CWC27: variants seen among roughly 807,000 people sequenced by gnomAD.
CWC27 encodes the protein spliceosome-associated protein CWC27 homolog.
In CWC27, 47 loss-of-function variants were observed where a neutral mutation model predicts 63.6. That is an observed-to-expected ratio of 0.74 (90% CI 0.58 to 0.94). The LOEUF is 0.94. Ranked by LOEUF, CWC27 falls within the 40% of genes least tolerant of loss-of-function variation. The pLI, the probability that CWC27 is intolerant of heterozygous loss-of-function variation, is 0.00. For missense variants in CWC27, 495 were observed against 554.3 expected (o/e 0.89, Z 1.07); for synonymous variants, 175 against 179.8 (o/e 0.97, Z 0.22).
intron 11 of CWC27, among the ~76,000 whole-genome samples, chr5:64,922,534 T>A (rs1748017657): frequency 6.6e-6 from 1 of 152,218 alleles, no homozygotes. Flanking sequence ...TCGTATCAGT[T>A]TACTGTTTTC....
chr5:64,826,594 G>C (rs765774213), intron 10 of CWC27, among the ~76,000 whole-genome samples: 1 of 151,956 alleles, frequency 6.6e-6, no homozygotes, highest in Non-Finnish European at 1.5e-5. Context: ...TTTTTTGACA[G>C]GATTGCATTC....
At chr5:64,952,946 C>T (rs902806922) in intron 11 of CWC27, among the ~76,000 whole-genome samples, 10 of 152,080 alleles carry the variant, frequency 6.6e-5, no homozygotes, top group East Asian at 1.9e-4. Context: ...ATCAAAAATA[C>T]GTTTTTTGTA....
At chr5:64,919,580 T>G (rs1452950884) in intron 11 of CWC27, among the ~76,000 whole-genome samples, 1 of 152,218 alleles carries the variant, frequency 6.6e-6, no homozygotes, top group Non-Finnish European at 1.5e-5. Flanking sequence ...AGTGTCTATC[T>G]TCCACTTATA....
intron 12 of CWC27, among the ~76,000 whole-genome samples, chr5:64,973,531 A>C (rs764644563): frequency 1.3e-5 from 2 of 152,226 alleles, no homozygotes; most frequent in Non-Finnish European, 2.9e-5. Flanking sequence ...GCCATAACTG[A>C]ATAATTCCCC....
At chr5:64,837,034 C>T (rs913413866) in intron 10 of CWC27, among the ~76,000 whole-genome samples, 8 of 152,032 alleles carry the variant, frequency 5.3e-5, no homozygotes, top group African/African-American at 1.4e-4. Flanking sequence ...TTCATACCCA[C>T]CAAATGTTAC....
chr5:64,991,680 C>A (rs1664868956), intron 13 of CWC27, among the ~76,000 whole-genome samples: 1 of 152,230 alleles, frequency 6.6e-6, no homozygotes, highest in Non-Finnish European at 1.5e-5. Context: ...GAGCTATGAT[C>A]ATGCCACTGC....
chr5:64,839,165 A>G (rs1216319137), intron 10 of CWC27, among the ~76,000 whole-genome samples: 3 of 152,186 alleles, frequency 2.0e-5, no homozygotes, highest in Non-Finnish European at 4.4e-5. Flanking sequence ...ACTTGTATTC[A>G]TTGAGGGCTT....
At chr5:64,783,766 G>C (rs991390342) in intron 3 of CWC27, 70 bp from the exon 4 acceptor site, 6 of 1,331,878 alleles carry the variant, frequency 4.5e-6, no homozygotes, top group Non-Finnish European at 6.0e-6. Context: ...GACCTTGCAG[G>C]TCAAGTTGAA....
chr5:64,867,946 G>C (rs938396667), intron 10 of CWC27, among the ~76,000 whole-genome samples: 1 of 143,524 alleles, frequency 7.0e-6, no homozygotes, highest in African/African-American at 2.8e-5. Context: ...TTTGGGGGGG[G>C]GGCTGTTGTT....
intron 10 of CWC27, among the ~76,000 whole-genome samples, chr5:64,826,856 CCTT>C (rs1461321397): frequency 6.6e-6 from 1 of 151,948 alleles, no homozygotes; most frequent in African/African-American, 2.4e-5. Context: ...GACGTGTCCT[CCTT>C]AATTTTCTTC....
intron 9 of CWC27, among the ~76,000 whole-genome samples, chr5:64,802,032 T>C (rs1039701201): frequency 6.6e-6 from 1 of 152,176 alleles, no homozygotes; most frequent in Non-Finnish European, 1.5e-5. Context: ...TATCTGACCT[T>C]GTCAAGAAAA....
chr5:64,843,538 G>A (rs1416253726), intron 10 of CWC27, among the ~76,000 whole-genome samples: 1 of 152,002 alleles, frequency 6.6e-6, no homozygotes, highest in Non-Finnish European at 1.5e-5. Context: ...GGAGAGATTA[G>A]CAGTATCCAG....
chr5:64,880,318 TTCAGA>T (rs1321005393), intron 10 of CWC27, among the ~76,000 whole-genome samples: 6 of 151,874 alleles, frequency 4.0e-5, no homozygotes, highest in Admixed American at 3.9e-4. Context: ...AGACCTGGAG[TTCAGA>T]TAGTCACATT....
intron 10 of CWC27, among the ~76,000 whole-genome samples, chr5:64,859,576 A>G (rs1191273796): frequency 6.6e-6 from 1 of 152,218 alleles, no homozygotes; most frequent in East Asian, 1.9e-4. Context: ...AACACAGTAT[A>G]AGAATTGATA....
intron 10 of CWC27, among the ~76,000 whole-genome samples, chr5:64,851,002 A>G (rs1191865008): frequency 6.6e-6 from 1 of 152,240 alleles, no homozygotes; most frequent in Non-Finnish European, 1.5e-5. Context: ...TGATTCCTCA[A>G]AAATCTAACA....
intron 10 of CWC27, among the ~76,000 whole-genome samples, chr5:64,882,075 A>G (rs1746951714): frequency 6.6e-6 from 1 of 152,204 alleles, no homozygotes; most frequent in South Asian, 2.1e-4. Flanking sequence ...TTGTGTTCAT[A>G]TAGCTTTAAG....
intron 2 of CWC27, among the ~76,000 whole-genome samples, chr5:64,776,064 G>GGAGA (rs1468343872): frequency 1.2e-5 from 1 of 85,312 alleles, no homozygotes; most frequent in African/African-American, 5.1e-5. Context: ...GGGGAGGAGT[G>GGAGA]GAGCGAGAGA....
chr5:64,849,681 C>T (rs1746082316), intron 10 of CWC27, among the ~76,000 whole-genome samples: 2 of 147,154 alleles, frequency 1.4e-5, no homozygotes, highest in South Asian at 4.5e-4. Flanking sequence ...TGTAATTCCC[C>T]CATGTCAAGG....
At chr5:64,958,314 G>A (rs1335828788) in intron 11 of CWC27, among the ~76,000 whole-genome samples, 1 of 152,160 alleles carries the variant, frequency 6.6e-6, no homozygotes, top group Non-Finnish European at 1.5e-5. Context: ...GGTAGTGTGT[G>A]TAGAAACGAG....
Sources: gnomAD v4.1 joint callset for allele counts (sites outside exome capture counted in the v4.1 genomes callset) on GRCh38, gnomAD v4.1.1 for gene constraint, MANE v1.5 for transcripts, NCBI Gene and HGNC (gene_info 2026-07-23, HGNC 2026-07-21) for gene names.